The following WDPCP variants were observed in gnomAD, a reference collection of about 807,000 sequenced individuals.
WDPCP encodes WD repeat-containing and planar cell polarity effector protein fritz homolog.
In WDPCP, 71 loss-of-function variants were observed where a neutral mutation model predicts 93.1. That is an observed-to-expected ratio of 0.76 (90% confidence interval 0.63 to 0.93). WDPCP has a LOEUF of 0.93. Ranked by LOEUF, WDPCP falls within the 40% of genes least tolerant of loss-of-function variation. The pLI is 0.00. For missense variants in WDPCP, 844 were observed against 887.4 expected (o/e 0.95, Z 0.62); for synonymous variants, 315 against 315.0 (o/e 1.00, Z 0.00).
chr2:63,631,693 A>G (rs543318840), intron 3 of WDPCP, among the ~76,000 whole-genome samples: 3 of 152,252 alleles, frequency 2.0e-5, no homozygotes, highest in Non-Finnish European at 2.9e-5. Flanking sequence ...AGATTAGCTA[A>G]TTAGAGACAT....
At chr2:63,795,266 G>A (rs1306038054) in intron 2 of WDPCP, among the ~76,000 whole-genome samples, 1 of 152,174 alleles carries the variant, frequency 6.6e-6, no homozygotes, top group Non-Finnish European at 1.5e-5. Flanking sequence ...TTTTCACGCT[G>A]AGAGGATGGT....
chr2:63,182,153 C>T (rs1674294431), intron 14 of WDPCP, among the ~76,000 whole-genome samples: 1 of 151,992 alleles, frequency 6.6e-6, no homozygotes, highest in African/African-American at 2.4e-5. Flanking sequence ...CTTCTCTTGC[C>T]TGATTGCTCT....
intron 14 of WDPCP, among the ~76,000 whole-genome samples, chr2:63,211,550 T>C (rs1028230263): frequency 6.6e-6 from 1 of 152,096 alleles, no homozygotes. Flanking sequence ...AAAATCAGAG[T>C]GCCTCTTCTC....
intron 14 of WDPCP, chr2:63,229,207 G>GT (rs1478271701): frequency 2.0e-5 from 3 of 152,088 alleles, no homozygotes; most frequent in African/African-American, 7.2e-5. Flanking sequence ...TTTTTCATGT[G>GT]TTTTTTGGCT....
At chr2:63,826,511 A>C (rs2104152553) in intron 1 of WDPCP, among the ~76,000 whole-genome samples, 1 of 152,182 alleles carries the variant, frequency 6.6e-6, no homozygotes, top group East Asian at 1.9e-4. Context: ...AATTAATTCC[A>C]CTAACAGACA....
intron 12 of WDPCP, among the ~76,000 whole-genome samples, chr2:63,377,036 A>T (rs1691907101): frequency 6.6e-6 from 1 of 151,920 alleles, no homozygotes; most frequent in Non-Finnish European, 1.5e-5. Context: ...TTAAGTGAAT[A>T]AAAATTTCCA....
chr2:63,440,443 A>C (rs1451713324), intron 6 of WDPCP: 1 of 152,394 alleles, frequency 6.6e-6, no homozygotes, highest in African/African-American at 2.4e-5. Flanking sequence ...TTTTAAAATC[A>C]TAAACAACAC....
intron 2 of WDPCP, among the ~76,000 whole-genome samples, chr2:63,488,840 A>G (rs1012065518): frequency 6.6e-6 from 1 of 151,978 alleles, no homozygotes; most frequent in African/African-American, 2.4e-5. Flanking sequence ...AGAATCCTGA[A>G]TTATGTGCAC....
At chr2:63,666,547 T>C (rs1434843892) in intron 2 of WDPCP, among the ~76,000 whole-genome samples, 1 of 152,220 alleles carries the variant, frequency 6.6e-6, no homozygotes, top group Admixed American at 6.5e-5. Context: ...ATTTCACGCA[T>C]AATCCTGCAG....
chr2:63,489,133 G>A (rs559826717), intron 2 of WDPCP, among the ~76,000 whole-genome samples: 1 of 152,250 alleles, frequency 6.6e-6, no homozygotes, highest in South Asian at 2.1e-4. Context: ...CCCACATGGG[G>A]TGAGAAGGGT....
chr2:63,833,740 A>C, the WDPCP span, among the ~76,000 whole-genome samples: 1 of 152,216 alleles, frequency 6.6e-6, no homozygotes. Flanking sequence ...CATTTAAAAA[A>C]TAATATAAGA....
intron 2 of WDPCP, among the ~76,000 whole-genome samples, chr2:63,652,150 C>T (rs561379171): frequency 6.6e-6 from 1 of 152,352 alleles, no homozygotes; most frequent in South Asian, 2.1e-4. Context: ...TGGCATGATG[C>T]ATTTGCAGAA....
chr2:63,722,566 G>GT (rs1474633426), intron 2 of WDPCP, among the ~76,000 whole-genome samples: 1 of 136,462 alleles, frequency 7.3e-6, no homozygotes, highest in Non-Finnish European at 1.6e-5. Flanking sequence ...GGTGGGGGGG[G>GT]GTCAGCCCCC....
chr2:63,353,693 ACCT>A (rs1689798368), intron 12 of WDPCP, among the ~76,000 whole-genome samples: 1 of 151,766 alleles, frequency 6.6e-6, no homozygotes, highest in Non-Finnish European at 1.5e-5. Context: ...GTCTCCATCC[ACCT>A]CCTACAGGTG....
At chr2:63,230,750 T>C (rs1678792507) in intron 14 of WDPCP, among the ~76,000 whole-genome samples, 1 of 152,180 alleles carries the variant, frequency 6.6e-6, no homozygotes, top group African/African-American at 2.4e-5. Flanking sequence ...GAGAAGTGTA[T>C]GTTCATATCC....
At chr2:63,174,031 G>A (rs1673606798) in intron 15 of WDPCP, among the ~76,000 whole-genome samples, 1 of 152,064 alleles carries the variant, frequency 6.6e-6, no homozygotes, top group South Asian at 2.1e-4. Context: ...CTTTTTTACT[G>A]TAACAGCAGG....
intron 14 of WDPCP, among the ~76,000 whole-genome samples, chr2:63,239,257 A>G (rs946790841): frequency 2.0e-5 from 3 of 152,160 alleles, no homozygotes; most frequent in Non-Finnish European, 4.4e-5. Flanking sequence ...TCTTTCACCC[A>G]GGCTGGAGTG....
chr2:63,636,796 A>G (rs565330259), intron 3 of WDPCP, among the ~76,000 whole-genome samples: 49 of 152,340 alleles, frequency 3.2e-4, no homozygotes, highest in African/African-American at 1.2e-3. Flanking sequence ...AGTCTTTGAC[A>G]AGGGCTTCAA....
chr2:63,584,974 C>T (rs974670665), intron 1 of WDPCP, among the ~76,000 whole-genome samples: 3 of 152,174 alleles, frequency 2.0e-5, no homozygotes, highest in South Asian at 4.1e-4. Flanking sequence ...AATTATTCCA[C>T]TCAATTCTAC....
Sources: gnomAD v4.1 joint callset for allele counts (sites outside exome capture counted in the v4.1 genomes callset) on GRCh38, gnomAD v4.1.1 for gene constraint, MANE v1.5 for transcripts, NCBI Gene and HGNC (gene_info 2026-07-23, HGNC 2026-07-21) for gene names.